NOX4: variants seen among roughly 807,000 people sequenced by gnomAD.
NOX4 encodes NADPH oxidase 4.
NOX4 carries 69 observed loss-of-function variants against 87.6 expected under a neutral mutation model. The ratio of observed to expected loss-of-function variants is 0.79; its 90% CI spans 0.65 to 0.96. NOX4 has a LOEUF of 0.96. Ranked by LOEUF, NOX4 falls within the 40% of genes least tolerant of loss-of-function variation. The probability of loss-of-function intolerance (pLI) is 0.00; values close to 1 mark genes in which losing one functional copy is unlikely to be tolerated. For missense variants in NOX4, 680 were observed against 681.5 expected, an observed-to-expected ratio of 1.00 and a Z score of 0.02; for synonymous variants, 275 against 238.2, an observed-to-expected ratio of 1.15 and a Z score of -1.42.
the NOX4 span, among the ~76,000 whole-genome samples, chr11:89,560,996 C>CTCTCTCTCTCTCTATA: frequency 2.4e-5 from 1 of 40,818 alleles, no homozygotes; most frequent in African/African-American, 1.3e-4. Context: ...CTCTCTCTCT[C>CTCTCTCTCTCTCTATA]TATATATATA....
At chr11:89,482,725 T>G (rs560329079) in intron 2 of NOX4, among the ~76,000 whole-genome samples, 4 of 152,104 alleles carry the variant, frequency 2.6e-5, no homozygotes, top group African/African-American at 9.7e-5. Context: ...ATAAGAATAA[T>G]GCATATATGC....
Position 89,446,171 on chromosome 11 carries a change from T to C in NOX4, c.350-1939A>G, listed in dbSNP as rs897945588. Among the ~76,000 whole-genome samples the C allele has an allele frequency of 5.3e-5, 8 of 152,146 alleles. No homozygotes were observed. In the South Asian group the frequency reaches 1.7e-3, roughly 31 times the overall value. ...ATTAAAATGACAAGTTACCACTACGTACCTATTAGAATGACCAAAATCCAG... is the reference window on the plus strand; with the variant it reads ...ATTAAAATGACAAGTTACCACTACGCACCTATTAGAATGACCAAAATCCAG... On this transcript the variant is annotated intron_variant, in intron 4 of 17. Coordinates refer to ENST00000263317, the MANE Select transcript of NOX4 (RefSeq NM_016931.5).
intron 6 of NOX4, among the ~76,000 whole-genome samples, chr11:89,438,284 C>A (rs1944186269): frequency 7.8e-6 from 1 of 128,636 alleles, no homozygotes; most frequent in Non-Finnish European, 1.6e-5. Context: ...AATATATATA[C>A]TACATATAAA....
chr11:89,379,397 C>G (rs1940106635), intron 11 of NOX4, among the ~76,000 whole-genome samples: 2 of 151,768 alleles, frequency 1.3e-5, no homozygotes, highest in South Asian at 4.2e-4. Context: ...CTGTTTGTGT[C>G]TGTATATGGG....
At chr11:89,327,764 C>T (rs569421915) in intron 17 of NOX4, among the ~76,000 whole-genome samples, 4 of 151,680 alleles carry the variant, frequency 2.6e-5, no homozygotes, top group Non-Finnish European at 5.9e-5. Context: ...ATAGTAAATA[C>T]TGAAAAAAAG....
intron 6 of NOX4, among the ~76,000 whole-genome samples, chr11:89,433,412 T>G (rs1206300472): frequency 6.6e-6 from 1 of 151,974 alleles, no homozygotes; most frequent in African/African-American, 2.4e-5. Context: ...ACACTAAACA[T>G]CAGTAATTAA....
At chr11:89,447,068 A>G (rs774626440) in intron 4 of NOX4, among the ~76,000 whole-genome samples, 36 of 152,224 alleles carry the variant, frequency 2.4e-4, no homozygotes, top group Non-Finnish European at 5.0e-4. Context: ...AAAATTTTTA[A>G]GAGGAAAAAA....
intron 8 of NOX4, among the ~76,000 whole-genome samples, chr11:89,420,886 G>T (rs1943047725): frequency 6.6e-6 from 1 of 152,132 alleles, no homozygotes; most frequent in African/African-American, 2.4e-5. Context: ...GGACCTCACA[G>T]ACCTCAGCCT....
intron 2 of NOX4, among the ~76,000 whole-genome samples, chr11:89,465,996 TAAG>T (rs1173297916): frequency 6.6e-6 from 1 of 152,184 alleles, no homozygotes; most frequent in Admixed American, 6.5e-5. Context: ...AATGCCTTTA[TAAG>T]AAGAGGAGGA....
In NOX4 at chr11:89,355,001, G is replaced by T. The variant is rs772288710; in HGVS notation, c.1178C>A (p.Ser393Tyr). 4.4e-6 allele frequency: 7 copies of T among 1,603,456 alleles called. No homozygotes were observed. The Admixed American group carries it at 5.1e-5, about 12-fold the overall frequency. Residue 393 changes from serine to tyrosine, a missense_variant, in exon 13 of 18, where the codon TCC becomes TAC. Transcript: ENST00000263317. ...AGATTGAATGAAGGGCAGAATTTCG[G>T]AGTCTTGACTAGATGGAGGCAGTAG... is the stretch of plus-strand genomic sequence containing the variant. ...DLLLPPSSQD[S>Y]EILPFIQSRN... is the part of the protein sequence containing the mutation.
At chr11:89,578,465 C>A in the NOX4 span, among the ~76,000 whole-genome samples, 2 of 152,120 alleles carry the variant, frequency 1.3e-5, no homozygotes, top group African/African-American at 4.8e-5. Flanking sequence ...CTGCACCTGG[C>A]CTATTTAAAT....
At chr11:89,585,578 T>C in the NOX4 span, among the ~76,000 whole-genome samples, 1 of 152,180 alleles carries the variant, frequency 6.6e-6, no homozygotes, top group Non-Finnish European at 1.5e-5. Context: ...ACAGACAATG[T>C]ATAAATTAAT....
At chr11:89,349,351 A>G (rs1338342209) in intron 13 of NOX4, among the ~76,000 whole-genome samples, 3 of 152,130 alleles carry the variant, frequency 2.0e-5, no homozygotes, top group Non-Finnish European at 2.9e-5. Context: ...ATCAGATGAC[A>G]AGTACATTAC....
At chr11:89,491,873 A>T (rs1335171243), upstream of NOX4, among the ~76,000 whole-genome samples, 3 of 151,828 alleles carry the variant, frequency 2.0e-5, no homozygotes. Flanking sequence ...GTGCTAGTTC[A>T]CGTTTCTCCC....
rs1217427589 is a variant in NOX4, at chr11:89,326,560, G to A, written c.*196C>T. 6.9e-6 allele frequency: 3 copies of A among 437,756 alleles called. No individual in the cohort carries two copies. Among genetic ancestry groups the A allele is most frequent in the South Asian group, 4.0e-5 (1 of 24,758 alleles). 27.1% of individuals were successfully genotyped at this position (437,756 alleles called of 1,614,324 possible). ...ATCATCACATCAAATATTCTTCAGGGTCTCTTTGGTTTCCAGATTAAACAT... is the reference window on the plus strand; with the variant it reads ...ATCATCACATCAAATATTCTTCAGGATCTCTTTGGTTTCCAGATTAAACAT... On this transcript the variant is annotated 3_prime_UTR_variant, in exon 18 of 18. Coordinates refer to ENST00000263317, the MANE Select transcript of NOX4 (RefSeq NM_016931.5).
At chr11:89,519,875 C>T in the NOX4 span, among the ~76,000 whole-genome samples, 1 of 152,010 alleles carries the variant, frequency 6.6e-6, no homozygotes, top group African/African-American at 2.4e-5. Context: ...TTTTCTGCTA[C>T]AGGCAGAACC....
intron 8 of NOX4, among the ~76,000 whole-genome samples, chr11:89,414,918 A>C (rs1942678826): frequency 6.6e-6 from 1 of 151,994 alleles, no homozygotes; most frequent in Non-Finnish European, 1.5e-5. Context: ...TTTACAATAC[A>C]TAAATATTTT....
intron 7 of NOX4, among the ~76,000 whole-genome samples, chr11:89,422,466 G>C (rs1294412108): frequency 6.6e-6 from 1 of 152,126 alleles, no homozygotes; most frequent in Non-Finnish European, 1.5e-5. Flanking sequence ...AGTGTAACAA[G>C]AATGATACCT....
At chr11:89,456,855 C>T (rs148748622) in intron 2 of NOX4, among the ~76,000 whole-genome samples, 93 of 152,282 alleles carry the variant, frequency 6.1e-4, no homozygotes, top group Non-Finnish European at 1.1e-3. Flanking sequence ...CCATGGCCTT[C>T]TAAGTGACGT....
Sources: gnomAD v4.1 joint callset for allele counts (sites outside exome capture counted in the v4.1 genomes callset) on GRCh38, gnomAD v4.1.1 for gene constraint, MANE v1.5 for transcripts, NCBI Gene and HGNC (gene_info 2026-07-23, HGNC 2026-07-21) for gene names.